Variants in MTUS2 observed in about 807,000 individuals in gnomAD.
MTUS2 encodes microtubule associated scaffold protein 2.
A neutral mutation model predicts 114.1 loss-of-function variants in MTUS2; 40 were observed. The observed-to-expected ratio is 0.35, with a 90% confidence interval of 0.27 to 0.46. The LOEUF is 0.46. Ranked by LOEUF, MTUS2 falls within the 20% of genes least tolerant of loss-of-function variation. The pLI is 1.00. For missense variants in MTUS2, 1,679 were observed against 1,705.4 expected (o/e 0.98, Z 0.27); for synonymous variants, 688 against 672.0 (o/e 1.02, Z -0.37).
At chr13:29,386,648 G>T (rs1223733052) in intron 8 of MTUS2, among the ~76,000 whole-genome samples, 1 of 152,174 alleles carries the variant, frequency 6.6e-6, no homozygotes, top group East Asian at 1.9e-4. Context: ...CTTTCTATTT[G>T]TCAACAGATT....
chr13:29,003,374 G>A (rs1405407460), intron 2 of MTUS2, among the ~76,000 whole-genome samples: 20 of 152,192 alleles, frequency 1.3e-4, no homozygotes. Flanking sequence ...GGGAGTCCAT[G>A]CCCTTAGCCA....
Position 29,079,476 on chromosome 13 carries a change from G to C in MTUS2, c.2447-21297G>C, listed in dbSNP as rs565823036. On this transcript the variant is annotated intron_variant, in intron 4 of 15. Transcript: ENST00000612955. ...CTTATGCTTTTCATGTCATAGCTAA[G>C]AAACCATTGGCTAATCTGGTGTCAT... Among the ~76,000 whole-genome samples, 39 of 152,138 alleles carry C rather than the reference G, an allele frequency of 2.6e-4. No homozygotes were observed. In the Middle Eastern group the frequency reaches 0.01, roughly 40 times the overall value.
chr13:29,316,800 T>G (rs1015799023), intron 6 of MTUS2, among the ~76,000 whole-genome samples: 4 of 152,192 alleles, frequency 2.6e-5, no homozygotes, highest in African/African-American at 9.7e-5. Context: ...TTTGGACAGG[T>G]GTCAGGTGAG....
At chr13:28,959,395 G>T (rs1345590637) in intron 2 of MTUS2, among the ~76,000 whole-genome samples, 1 of 152,154 alleles carries the variant, frequency 6.6e-6, no homozygotes, top group Non-Finnish European at 1.5e-5. Flanking sequence ...CAATGAGGTC[G>T]CATACCCCTT....
At chr13:29,158,072 C>T (rs1035155639) in intron 5 of MTUS2, among the ~76,000 whole-genome samples, 7 of 152,150 alleles carry the variant, frequency 4.6e-5, no homozygotes, top group Non-Finnish European at 8.8e-5. Context: ...GTAATCGTCT[C>T]CTTACTGACT....
chr13:29,485,933 G>A (rs1409436416), intron 10 of MTUS2, among the ~76,000 whole-genome samples: 1 of 151,982 alleles, frequency 6.6e-6, no homozygotes, highest in Non-Finnish European at 1.5e-5. Flanking sequence ...TGGGGTGGGG[G>A]CGGGGGAAGC....
intron 2 of MTUS2, among the ~76,000 whole-genome samples, chr13:28,858,927 G>A (rs1876800940): frequency 6.6e-6 from 1 of 152,180 alleles, no homozygotes; most frequent in Non-Finnish European, 1.5e-5. Context: ...CACACTCCCT[G>A]AACTGAGCTG....
chr13:29,173,946 A>G (rs1198256987), intron 5 of MTUS2, among the ~76,000 whole-genome samples: 1 of 152,116 alleles, frequency 6.6e-6, no homozygotes, highest in African/African-American at 2.4e-5. Flanking sequence ...GAATATTTAG[A>G]TGTTTAGGTG....
intron 12 of MTUS2, among the ~76,000 whole-genome samples, chr13:29,495,940 ATATATC>A (rs539332032): frequency 8.0e-4 from 121 of 151,768 alleles, no homozygotes; most frequent in African/African-American, 1.9e-3. Context: ...GTGTGTATCT[ATATATC>A]TATATCTATA....
At chr13:29,249,413 T>C (rs1316424016) in intron 5 of MTUS2, among the ~76,000 whole-genome samples, 1 of 152,206 alleles carries the variant, frequency 6.6e-6, no homozygotes, top group Non-Finnish European at 1.5e-5. Context: ...TGAACTAATT[T>C]ACATTCCCAC....
At chr13:29,257,329 C>T (rs1413570543) in intron 5 of MTUS2, among the ~76,000 whole-genome samples, 6 of 152,214 alleles carry the variant, frequency 3.9e-5, no homozygotes, top group African/African-American at 1.4e-4. Context: ...GCTGTATGTG[C>T]AGAGGACTTT....
intron 8 of MTUS2, 77 bp downstream of exon 8, chr13:29,359,550 A>G (rs1870058099): frequency 4.1e-6 from 6 of 1,480,052 alleles, no homozygotes; most frequent in African/African-American, 2.8e-5. Context: ...TTGTTTGTGT[A>G]TGTTGCTGTT....
At chr13:29,056,371 T>C (rs1264311389) in intron 4 of MTUS2, among the ~76,000 whole-genome samples, 1 of 152,024 alleles carries the variant, frequency 6.6e-6, no homozygotes, top group African/African-American at 2.4e-5. Flanking sequence ...TTGTTGACTT[T>C]GTTTTTCCTC....
At chr13:29,044,328 A>G (rs562437725) in intron 4 of MTUS2, among the ~76,000 whole-genome samples, 3 of 152,214 alleles carry the variant, frequency 2.0e-5, no homozygotes, top group South Asian at 4.1e-4. Context: ...GTCTTTGTAC[A>G]TAGTGTGTCG....
intron 4 of MTUS2, among the ~76,000 whole-genome samples, chr13:29,058,093 T>C (rs1014204919): frequency 6.6e-6 from 1 of 152,182 alleles, no homozygotes; most frequent in Admixed American, 6.5e-5. Context: ...TTATTTTCTT[T>C]AAGAATTTTG....
chr13:29,313,856 A>G (rs1899876042), intron 6 of MTUS2, among the ~76,000 whole-genome samples: 1 of 152,204 alleles, frequency 6.6e-6, no homozygotes, highest in Non-Finnish European at 1.5e-5. Context: ...TTAGAATAGC[A>G]TCAGTAGGCT....
chr13:29,157,552 G>C (rs1256442364), intron 5 of MTUS2, among the ~76,000 whole-genome samples: 2 of 152,060 alleles, frequency 1.3e-5, no homozygotes, highest in African/African-American at 4.8e-5. Context: ...AAGTACCCAG[G>C]ACCTTGAGCT....
chr13:29,372,225 A>G (rs189677514), intron 8 of MTUS2, among the ~76,000 whole-genome samples: 37 of 151,804 alleles, frequency 2.4e-4, no homozygotes, highest in South Asian at 2.1e-4. Flanking sequence ...TTGGTATTCT[A>G]TTGACAAAGA....
intron 5 of MTUS2, among the ~76,000 whole-genome samples, chr13:29,269,301 T>C (rs573258621): frequency 1.3e-5 from 2 of 152,322 alleles, no homozygotes; most frequent in Non-Finnish European, 2.9e-5. Context: ...CCATCATTGC[T>C]CTTTCCTAAA....
Sources: gnomAD v4.1 joint callset for allele counts (sites outside exome capture counted in the v4.1 genomes callset) on GRCh38, gnomAD v4.1.1 for gene constraint, MANE v1.5 for transcripts, NCBI Gene and HGNC (gene_info 2026-07-23, HGNC 2026-07-21) for gene names.